FLG2: variants seen among roughly 807,000 people sequenced by gnomAD.
FLG2 encodes filaggrin-2.
FLG2 carries 7 observed loss-of-function variants against 3.9 expected under a neutral mutation model. That is an observed-to-expected ratio of 1.79 (90% CI 1.02 to 3.36). FLG2 has a LOEUF of 3.36. Among genes scored for constraint, FLG2 ranks in the 30% most tolerant of loss-of-function variants. The pLI, the probability that FLG2 is intolerant of heterozygous loss-of-function variation, is 0.00. For missense variants in FLG2, 2,700 were observed against 2,809.4 expected, an observed-to-expected ratio of 0.96 and a Z score of 0.88; for synonymous variants, 1,031 against 1,056.1, an observed-to-expected ratio of 0.98 and a Z score of 0.46.
At position 152,352,550 on chromosome 1, in the gene FLG2, C is replaced by T; in HGVS notation, c.5236G>A (p.Gly1746Arg). 6.2e-7 allele frequency: 1 copy of T among 1,612,458 alleles called. No homozygotes were observed. Among genetic ancestry groups the T allele is most frequent in the Non-Finnish European group, 8.5e-7 (1 of 1,179,730 alleles). ...GYSGVSHTHSGHTHGQARSQH... is the reference protein window; with the variant it reads ...GYSGVSHTHSRHTHGQARSQH... Reference sequence around the variant, plus strand: ...GATCTGGCTTGGCCATGAGTGTGTCCTGAATGTGTATGTGAGACTCCTGAG... The same window carrying T: ...GATCTGGCTTGGCCATGAGTGTGTCTTGAATGTGTATGTGAGACTCCTGAG... The change falls in exon 3 of 3, where the codon GGA becomes AGA. Residue 1746 changes from glycine (G) to arginine (R), a missense_variant. Physicochemically the swap from Gly to Arg is moderately radical, Grantham distance 125. Transcript: ENST00000388718.
chr1:152,357,168 TTC>T lies in FLG2; in HGVS notation c.616_617del (p.Glu206LysfsTer8). 2 of 1,614,170 alleles carry T rather than the reference TTC, an allele frequency of 1.2e-6. No individual in the cohort carries two copies. Among genetic ancestry groups the T allele is most frequent in the Non-Finnish European group, 8.5e-7 (1 of 1,180,022 alleles). On this transcript the variant is annotated frameshift_variant, in exon 3 of 3. Transcript: ENST00000388718. LOFTEE classifies it low-confidence loss of function (END_TRUNC). ...RHGSSSVELR[E>X]RINKSHISPS... is the part of the protein sequence containing the mutation. Reference sequence around the variant, plus strand: ...GGCTAATGTGTGACTTGTTTATTCTTTCTCTCAGTTCTACAGAGCTGGAACCA... The same window carrying T: ...GGCTAATGTGTGACTTGTTTATTCTTTCTCAGTTCTACAGAGCTGGAACCA...
At position 152,349,568 on chromosome 1, in the gene FLG2, A is replaced by G. The variant is rs1320821428; in HGVS notation, c.*1042T>C. On this transcript the variant is annotated 3_prime_UTR_variant, in exon 3 of 3. Transcript: ENST00000388718. ...AATGAAAGAACAGACATATACCCTT[A>G]CTACCAAAAGAGGAGATCATGTTAA... is the stretch of plus-strand genomic sequence containing the variant. 6.5e-6 allele frequency: 1 copy of G among 152,698 alleles called. No individual in the cohort carries two copies. The highest frequency in any genetic ancestry group is 1.5e-5 in the Non-Finnish European group (1 of 68,048). The allele number at this position is 152,698 out of a possible 1,614,324, so 9.5% of individuals were successfully genotyped here.
chr1:152,354,637 C>T lies in FLG2; in HGVS notation c.3149G>A (p.Gly1050Asp), dbSNP rs1436967229. 6 of 1,614,070 alleles carry T rather than the reference C, an allele frequency of 3.7e-6. No homozygotes were observed. The South Asian group carries it at 5.5e-5, about 15-fold the overall frequency. ...TGAACCAGTCCCATGTTGTCCAAAG[C>T]CAGAGGACTGATCTGAGCCTGATCC... ...QHGSGSDQSS[G>D]FGQHGTGSGQ... The change falls in exon 3 of 3, where the codon GGC becomes GAC. Residue 1050 changes from glycine to aspartate, a missense_variant. Transcript: ENST00000388718.
Position 152,353,841 on chromosome 1 carries a change from A to G in FLG2, c.3945T>C (p.His1315=), listed in dbSNP as rs1484383060. ...GTCTAGTGGTATCTCCTCTCTGTCC[A>G]TGAGTAGTTCCTTGTCTTCTGCGAA... ...STVRRRQGTT[H]GQRGDTTRHG... Residue 1315 remains histidine, a synonymous_variant, in exon 3 of 3, where the codon CAT becomes CAC. Transcript: ENST00000388718. The G allele has an allele frequency of 6.2e-7, 1 of 1,614,100 alleles. No homozygotes were observed. Among genetic ancestry groups the G allele is most frequent in the South Asian group, 1.1e-5 (1 of 91,076 alleles).
rs1160903834 is a variant in FLG2, at chr1:152,358,326, C to G, written c.138+421G>C. On this transcript the variant is annotated intron_variant, in intron 2 of 2. Transcript: ENST00000388718. ...ATGAGCCACCGCGCCTAGCTGAGTC[C>G]TTTTTAAGTAGATGGAATAAAATGC... is the stretch of plus-strand genomic sequence containing the variant. 2.0e-5 allele frequency among the ~76,000 whole-genome samples: 3 copies of G among 152,086 alleles called. No homozygotes were observed. The East Asian group carries it at 5.8e-4, about 29-fold the overall frequency.
chr1:152,355,387 C>G lies in FLG2; in HGVS notation c.2399G>C (p.Gly800Ala). ...GCCAAAGCCAGTGGATTGACTTGAG[C>G]CTGACCCATGTTGTCCAAAGCCAGA... Reference protein sequence around the residue: ...QTSGFGQHGSGSSQSTGFGQY... With the variant: ...QTSGFGQHGSASSQSTGFGQY... Residue 800 changes from glycine (G) to alanine (A), a missense_variant, in exon 3 of 3, where the codon GGC (glycine) becomes GCC (alanine). Gly to Ala is a moderately conservative substitution (Grantham distance 60). Coordinates refer to ENST00000388718, the MANE Select transcript of FLG2 (RefSeq NM_001014342.3). 6.2e-7 allele frequency: 1 copy of G among 1,613,634 alleles called. No homozygotes were observed. Among genetic ancestry groups the G allele is most frequent in the East Asian group, 2.2e-5 (1 of 44,830 alleles).
In FLG2 at chr1:152,357,636, A is replaced by G; in HGVS notation, c.150T>C (p.Asp50=). Reference sequence around the variant, plus strand: ...GCATGATGACATCCACTGTGTCTGGATCATCTGGGTTCTGTATATGAGTGA... The same window carrying G: ...GCATGATGACATCCACTGTGTCTGGGTCATCTGGGTTCTGTATATGAGTGA... ...ELHPVLKNPD[D]PDTVDVIMHM... is the part of the protein sequence containing the mutation. Residue 50 remains aspartate, a synonymous_variant, in exon 3 of 3, where the codon GAT becomes GAC. Coordinates refer to ENST00000388718, the MANE Select transcript of FLG2 (RefSeq NM_001014342.3). The G allele has an allele frequency of 6.2e-7, 1 of 1,611,956 alleles. No homozygotes were observed.
At position 152,357,147 on chromosome 1, in the gene FLG2, A is replaced by G. The variant is rs1369335955; in HGVS notation, c.639T>C (p.Ile213=). 6.8e-6 allele frequency: 11 copies of G among 1,614,136 alleles called. No homozygotes were observed. The highest frequency in any genetic ancestry group is 3.3e-5 in the Admixed American group (2 of 60,020). Reference sequence around the variant, plus strand: ...CCTCCCCAGATTCCCTAGAAGGGCTAATGTGTGACTTGTTTATTCTTTCTC... The same window carrying G: ...CCTCCCCAGATTCCCTAGAAGGGCTGATGTGTGACTTGTTTATTCTTTCTC... ...ELRERINKSH[I]SPSRESGEEY... The change falls in exon 3 of 3, where the codon ATT becomes ATC. Residue 213 remains isoleucine (I), a synonymous_variant. Coordinates refer to ENST00000388718, the MANE Select transcript of FLG2 (RefSeq NM_001014342.3).
Position 152,352,676 on chromosome 1 carries a change from T to C in FLG2, c.5110A>G (p.Arg1704Gly), listed in dbSNP as rs1653998973. Residue 1704 changes from arginine to glycine, a missense_variant, in exon 3 of 3, where the codon AGA becomes GGA. Coordinates refer to ENST00000388718, the MANE Select transcript of FLG2 (RefSeq NM_001014342.3). Reference sequence around the variant, plus strand: ...AATCCATGATGATAGTGGGCATGTCTAGTGGTATCTCCTGTCTGTCCATGA... The same window carrying C: ...AATCCATGATGATAGTGGGCATGTCCAGTGGTATCTCCTGTCTGTCCATGA... ...TTHGQTGDTT[R>G]HAHYHHGLTT... 6.2e-7 allele frequency: 1 copy of C among 1,612,474 alleles called. No homozygotes were observed. The highest frequency in any genetic ancestry group is 8.5e-7 in the Non-Finnish European group (1 of 1,179,494).
Position 152,351,822 on chromosome 1 carries a change from G to A in FLG2, c.5964C>T (p.Ser1988=), listed in dbSNP as rs371924445. 130 of 1,612,108 alleles carry A rather than the reference G, an allele frequency of 8.1e-5. No individual in the cohort carries two copies. Among genetic ancestry groups the A allele is most frequent in the Non-Finnish European group, 1.1e-4 (124 of 1,179,756 alleles). ...QAGSHYPESG[S]SVHERHGTTH... ...TAGTTCCGTGTCTCTCATGAACTGA[G>A]GATCCTGACTCTGGATAGTGAGATC... The change falls in exon 3 of 3, where the codon TCC becomes TCT. Residue 1988 remains serine (S), a synonymous_variant. Transcript: ENST00000388718.
In FLG2 at chr1:152,352,769, T is replaced by A. The variant is rs751228005; in HGVS notation, c.5017A>T (p.Thr1673Ser). 33 of 1,613,686 alleles carry A rather than the reference T, an allele frequency of 2.0e-5. 1 individual carries two copies. The highest frequency in any genetic ancestry group is 2.6e-5 in the Non-Finnish European group (31 of 1,179,956). Residue 1673 changes from threonine to serine, a missense_variant, in exon 3 of 3, where the codon ACT becomes TCT. Coordinates refer to ENST00000388718, the MANE Select transcript of FLG2 (RefSeq NM_001014342.3). ...TGTTGAGATCCAGCTTGACCATGAG[T>A]GTGTCCTGTATGTGTGTGTGAGACC... ...SGVSHTHTGH[T>S]HGQAGSQHGQ...
At position 152,354,269 on chromosome 1, in the gene FLG2, A is replaced by C. The variant is rs1354689229; in HGVS notation, c.3517T>G (p.Ser1173Ala). 5.6e-6 allele frequency: 9 copies of C among 1,614,022 alleles called. No homozygotes were observed. The South Asian group carries it at 9.9e-5, about 18-fold the overall frequency. The change falls in exon 3 of 3, where the codon TCA becomes GCA. Residue 1173 changes from serine (S) to alanine (A), a missense_variant. Physicochemically the swap from Ser to Ala is moderately conservative, Grantham distance 99 (BLOSUM62 1). Transcript: ENST00000388718. ...SSGCGQHESGSGPTTSFGQHV... is the reference protein window; with the variant it reads ...SSGCGQHESGAGPTTSFGQHV... ...TGTCCAAAACTTGTGGTTGGACCTG[A>C]GCCAGACTCATGTTGGCCACAGCCA... is the stretch of plus-strand genomic sequence containing the variant.
At position 152,352,556 on chromosome 1, in the gene FLG2, G is replaced by A; in HGVS notation, c.5230C>T (p.His1744Tyr). The A allele has an allele frequency of 1.9e-6, 3 of 1,613,604 alleles. No individual in the cohort carries two copies. The highest frequency in any genetic ancestry group is 4.5e-5 in the East Asian group (2 of 44,838). ...SEGYSGVSHT[H>Y]SGHTHGQARS... The stretch of plus-strand genomic sequence containing the variant: ...GCTTGGCCATGAGTGTGTCCTGAAT[G>A]TGTATGTGAGACTCCTGAGTACCCT... The change falls in exon 3 of 3, where the codon CAT (histidine) becomes TAT (tyrosine). Residue 1744 changes from histidine to tyrosine, a missense_variant. His to Tyr is a moderately conservative substitution (Grantham distance 83). Coordinates refer to ENST00000388718, the MANE Select transcript of FLG2 (RefSeq NM_001014342.3).
At position 152,358,767 on chromosome 1, in the gene FLG2, CTT is replaced by C; in HGVS notation, c.116_117del (p.Lys39ArgfsTer11). 6.2e-7 allele frequency: 1 copy of C among 1,613,732 alleles called. No individual in the cohort carries two copies. The highest frequency in any genetic ancestry group is 8.5e-7 in the Non-Finnish European group (1 of 1,179,828). On this transcript the variant is annotated frameshift_variant, in exon 2 of 3. Transcript: ENST00000388718. LOFTEE classifies it low-confidence loss of function (END_TRUNC). ...CTCACCTTCAGAACTGGATGAAGCTCTTTCTCCAGAAGTTCCTTTAGTTCACC... is the reference window on the plus strand; with the variant it reads ...CTCACCTTCAGAACTGGATGAAGCTCTCTCCAGAAGTTCCTTTAGTTCACC... ...SKGELKELLE[K>X]ELHPVLKNPD...
chr1:152,350,548 C>T lies in FLG2; in HGVS notation c.*62G>A. The T allele has an allele frequency of 6.5e-7, 1 of 1,541,216 alleles. No individual in the cohort carries two copies. The highest frequency in any genetic ancestry group is 2.3e-5 in the East Asian group (1 of 44,370). The stretch of plus-strand genomic sequence containing the variant: ...TACCATTGACTGTTCATGATTTAAA[C>T]TGTGTCTTCCTGTTCTTTTAGTTGC... On this transcript the variant is annotated 3_prime_UTR_variant, in exon 3 of 3. Coordinates refer to ENST00000388718, the MANE Select transcript of FLG2 (RefSeq NM_001014342.3).
chr1:152,358,800 TC>T lies in FLG2; in HGVS notation c.84del (p.Ser29AlafsTer5), dbSNP rs1419714127. 6.2e-7 allele frequency: 1 copy of T among 1,614,092 alleles called. No homozygotes were observed. The highest frequency in any genetic ancestry group is 8.5e-7 in the Non-Finnish European group (1 of 1,179,954). ...YTKQDGECGT[L>X]SKGELKELLE... is the part of the protein sequence containing the mutation. ...AGAAGTTCCTTTAGTTCACCCTTGC[TC>T]AGTGTGCCACACTCCCCATCTTGCT... On this transcript the variant is annotated frameshift_variant, in exon 2 of 3. Transcript: ENST00000388718. LOFTEE classifies it high-confidence loss of function.
rs1323761919 is a variant in FLG2 at position 152,348,768 on chromosome 1, A to ATGAAGTACAATTTTC, written c.*1827_*1841dup. Reference sequence around the variant, plus strand: ...GATGAAATGTTTATTGCCAATTTTTATGAAGTACAATTTTCTGGATCCTAT... The same window carrying ATGAAGTACAATTTTC: ...GATGAAATGTTTATTGCCAATTTTTATGAAGTACAATTTTCTGAAGTACAATTTTCTGGATCCTAT... On this transcript the variant is annotated 3_prime_UTR_variant, in exon 3 of 3. Transcript: ENST00000388718. 1.3e-5 allele frequency: 2 copies of ATGAAGTACAATTTTC among 152,202 alleles called. No homozygotes were observed. Among genetic ancestry groups the ATGAAGTACAATTTTC allele is most frequent in the African/African-American group, 4.8e-5 (2 of 41,458 alleles). 9.4% of individuals were successfully genotyped at this position (152,202 alleles called of 1,614,324 possible). A position where few individuals can be genotyped will look rare whatever the true frequency, so the allele number is the denominator to read the frequency against.
In FLG2 at chr1:152,355,706, C is replaced by T. The variant is rs1654192126; in HGVS notation, c.2080G>A (p.Gly694Ser). ...TGACTTGAGCCAAAACCATGTTGGCCATAGCTAGAATGACCTGATCTAGAC... is the reference window on the plus strand; with the variant it reads ...TGACTTGAGCCAAAACCATGTTGGCTATAGCTAGAATGACCTGATCTAGAC... Reference protein sequence around the residue: ...HESRSGHSSYGQHGFGSSQSS... With the variant: ...HESRSGHSSYSQHGFGSSQSS... Residue 694 changes from glycine (G) to serine (S), a missense_variant, in exon 3 of 3, where the codon GGC becomes AGC. By Grantham distance (56) the Gly-to-Ser change is moderately conservative (BLOSUM62 0). Coordinates refer to ENST00000388718, the MANE Select transcript of FLG2 (RefSeq NM_001014342.3). The T allele has an allele frequency of 6.2e-7, 1 of 1,613,910 alleles. No homozygotes were observed. Among genetic ancestry groups the T allele is most frequent in the African/African-American group, 1.3e-5 (1 of 74,932 alleles).
rs1440335011 is a variant in FLG2 at position 152,349,115 on chromosome 1, T to C, written c.*1495A>G. On this transcript the variant is annotated 3_prime_UTR_variant, in exon 3 of 3. Coordinates refer to ENST00000388718, the MANE Select transcript of FLG2 (RefSeq NM_001014342.3). ...ATATAGTTCTGAATATAGCCCCAAATGGTGTTTATCTTTTTCTTCCATTCA... is the reference window on the plus strand; with the variant it reads ...ATATAGTTCTGAATATAGCCCCAAACGGTGTTTATCTTTTTCTTCCATTCA... 2 of 152,084 alleles carry C rather than the reference T, an allele frequency of 1.3e-5. No individual in the cohort carries two copies. The highest frequency in any genetic ancestry group is 2.9e-5 in the Non-Finnish European group (2 of 68,010). 9.4% of individuals were successfully genotyped at this position (152,084 alleles called of 1,614,324 possible). A position where few individuals can be genotyped will look rare whatever the true frequency, so the allele number is the denominator to read the frequency against.
Sources: gnomAD v4.1 joint callset for allele counts (sites outside exome capture counted in the v4.1 genomes callset) on GRCh38, gnomAD v4.1.1 for gene constraint, MANE v1.5 for transcripts, NCBI Gene and HGNC (gene_info 2026-07-23, HGNC 2026-07-21) for gene names.